The following ANGEL1 variants were observed in gnomAD, a reference collection of about 807,000 sequenced individuals.
ANGEL1 encodes the protein angel homolog 1.
ANGEL1 carries 62 observed loss-of-function variants against 76.4 expected under a neutral mutation model. The observed-to-expected ratio is 0.81, with a 90% CI of 0.66 to 1.00. The LOEUF (loss-of-function observed/expected upper bound fraction) is 1.00, where lower values mean the gene tolerates loss of function less well. Among genes scored for constraint, ANGEL1 ranks in the 50% least tolerant of loss-of-function variants. The pLI, the probability that ANGEL1 is intolerant of heterozygous loss-of-function variation, is 0.00. For synonymous variants in ANGEL1, 340 were observed against 331.7 expected, an observed-to-expected ratio of 1.03 and a Z score of -0.27; for missense variants, 737 against 836.7, an observed-to-expected ratio of 0.88 and a Z score of 1.47.
chr14:76,807,373 G>A (rs1468081519), intron 4 of ANGEL1, 60 bp downstream of exon 4: 3 of 1,518,240 alleles, frequency 2.0e-6, no homozygotes, highest in Middle Eastern at 1.7e-4. Flanking sequence ...GGGTCTTCAG[G>A]AGAGAGTAGA....
chr14:76,793,079 A>G (rs1435183533), intron 7 of ANGEL1, among the ~76,000 whole-genome samples: 4 of 152,032 alleles, frequency 2.6e-5, no homozygotes, highest in Non-Finnish European at 5.9e-5. Context: ...AAATACTTCT[A>G]TACACTAGCA....
chr14:76,800,505 T>G (rs1894728793), intron 7 of ANGEL1, among the ~76,000 whole-genome samples: 1 of 152,344 alleles, frequency 6.6e-6, no homozygotes, highest in Admixed American at 6.5e-5. Context: ...GAGAATAAAT[T>G]CAGTGTTCAT....
chr14:76,806,732 C>G lies in ANGEL1; in HGVS notation c.1064G>C (p.Gly355Ala). The change falls in exon 5 of 10, where the codon GGC becomes GCC. Residue 355 changes from glycine (G) to alanine (A), a missense_variant. Gly to Ala is a moderately conservative substitution (Grantham distance 60). Transcript: ENST00000251089. ...CASPVEYFRP[G>A]LELLNRDNVG... ...ATTATCCCGATTAAGTAGCTCCAAG[C>G]CAGGCCGGAAGTACTCCACAGGGCT... 4 of 1,614,098 alleles carry G rather than the reference C, an allele frequency of 2.5e-6. No homozygotes were observed. Among genetic ancestry groups the G allele is most frequent in the Non-Finnish European group, 3.4e-6 (4 of 1,180,036 alleles).
chr14:76,797,412 A>C (rs1175942997), intron 7 of ANGEL1, among the ~76,000 whole-genome samples: 1 of 152,218 alleles, frequency 6.6e-6, no homozygotes, highest in Non-Finnish European at 1.5e-5. Context: ...CAGCCTGGCC[A>C]ACATGGTGAA....
intron 7 of ANGEL1, among the ~76,000 whole-genome samples, chr14:76,792,939 A>G (rs1446025622): frequency 1.3e-5 from 2 of 152,220 alleles, no homozygotes; most frequent in Non-Finnish European, 2.9e-5. Context: ...AGATTGGAGT[A>G]GAAGGAATAC....
chr14:76,797,000 C>T (rs1313033375), intron 7 of ANGEL1, among the ~76,000 whole-genome samples: 1 of 152,196 alleles, frequency 6.6e-6, no homozygotes, highest in Non-Finnish European at 1.5e-5. Flanking sequence ...CCATTCTTAC[C>T]ATGCAGCACT....
intron 9 of ANGEL1, among the ~76,000 whole-genome samples, chr14:76,790,158 C>T (rs529663608): frequency 7.2e-5 from 11 of 152,194 alleles, no homozygotes; most frequent in Middle Eastern, 3.4e-3. Flanking sequence ...CAGTAATACA[C>T]GTGCCTGGCC....
intron 5 of ANGEL1, chr14:76,804,126 C>G (rs1258673739): frequency 2.1e-5 from 31 of 1,444,782 alleles, no homozygotes; most frequent in Non-Finnish European, 2.5e-5. Context: ...GTCCATGAAA[C>G]AGGAGGAGGG....
At position 76,790,723 on chromosome 14, in the gene ANGEL1, G is replaced by C; in HGVS notation, c.1740C>G (p.His580Gln). The C allele has an allele frequency of 6.2e-7, 1 of 1,614,214 alleles. No individual in the cohort carries two copies. Among genetic ancestry groups the C allele is most frequent in the East Asian group, 2.2e-5 (1 of 44,890 alleles). The stretch of plus-strand genomic sequence containing the variant: ...CTGGGCGGCCACGCTGGGGCAGGAA[G>C]TGGGTATATACTGACGTCAGGTGGA... ...HCLHLTSVYT[H>Q]FLPQRGRPEV... is the part of the protein sequence containing the mutation. The change falls in exon 9 of 10, where the codon CAC becomes CAG. Residue 580 changes from histidine (H) to glutamine (Q), a missense_variant. Physicochemically the swap from His to Gln is conservative, Grantham distance 24. Transcript: ENST00000251089.
At chr14:76,803,651 T>A (rs1894830409) in intron 6 of ANGEL1, 135 bp downstream of exon 6, 2 of 1,410,326 alleles carry the variant, frequency 1.4e-6, no homozygotes, top group Non-Finnish European at 1.9e-6. Flanking sequence ...GGACAGCCAT[T>A]GGGAGGATAG....
rs771479601 is a variant in ANGEL1, at chr14:76,808,162, G to A, written c.650-14C>T. 2 of 1,610,508 alleles carry A rather than the reference G, an allele frequency of 1.2e-6. No individual in the cohort carries two copies. Among genetic ancestry groups the A allele is most frequent in the East Asian group, 4.5e-5 (2 of 44,832 alleles). ...GCCACAAAATTTCTGCAAAGGATTG[G>A]GAGAAGCACTCAATGGCAAGTATGA... On this transcript the variant is annotated splice_polypyrimidine_tract_variant and intron_variant, in intron 2 of 9. Coordinates refer to ENST00000251089, the MANE Select transcript of ANGEL1 (RefSeq NM_015305.4).
chr14:76,793,407 T>G (rs1470299177), intron 7 of ANGEL1, among the ~76,000 whole-genome samples: 16 of 2,282 alleles, frequency 7.0e-3, no homozygotes, highest in South Asian at 0.015. Context: ...GGAGAGGGGA[T>G]AAAAGGAAAG....
chr14:76,806,376 G>A (rs1894917523), intron 5 of ANGEL1, 40 bp downstream of exon 5: 1 of 1,580,088 alleles, frequency 6.3e-7, no homozygotes, highest in African/African-American at 1.3e-5. Context: ...ATCTCTCTTA[G>A]ACCATGTTCC....
chr14:76,809,788 C>A (rs1895032288), intron 1 of ANGEL1, 145 bp from the exon 2 acceptor site: 3 of 673,754 alleles, frequency 4.5e-6, no homozygotes. Context: ...TACCTTAATG[C>A]CTGAACATCA....
At chr14:76,811,238 T>C (rs1293216067) in intron 1 of ANGEL1, among the ~76,000 whole-genome samples, 4 of 152,156 alleles carry the variant, frequency 2.6e-5, no homozygotes, top group South Asian at 2.1e-4. Flanking sequence ...AGTGCTGAGA[T>C]TGAGAAACCC....
In ANGEL1 at chr14:76,790,622, C is replaced by T; in HGVS notation, c.1841G>A (p.Gly614Glu). The T allele has an allele frequency of 6.2e-7, 1 of 1,613,414 alleles. No individual in the cohort carries two copies. The highest frequency in any genetic ancestry group is 8.5e-7 in the Non-Finnish European group (1 of 1,179,558). ...IFFSAESCENGNRTDHRLYRD... is the reference protein window; with the variant it reads ...IFFSAESCENENRTDHRLYRD... ...TCCATCAGGCTTACCAGTTCTGTTC[C>T]CATTCTCACAGGACTCAGCTGAGAA... Residue 614 changes from glycine (G) to glutamate (E), a missense_variant, in exon 9 of 10, where the codon GGG becomes GAG. Gly to Glu is a moderately conservative substitution (Grantham distance 98). This residue lies in a region of ANGEL1 where 296 missense variants were observed against 387.2 expected (regional missense o/e 0.76). Coordinates refer to ENST00000251089, the MANE Select transcript of ANGEL1 (RefSeq NM_015305.4).
rs774607142 is a variant in ANGEL1, at chr14:76,803,493, G to T, written c.1508-12C>A. On this transcript the variant is annotated splice_polypyrimidine_tract_variant and intron_variant, in intron 6 of 9. Coordinates refer to ENST00000251089, the MANE Select transcript of ANGEL1 (RefSeq NM_015305.4). ...ATACTTGCGTCTCTCTGTAAACCAG[G>T]AAAAGACATATAGTGAAAGAAAGAC... 3.7e-6 allele frequency: 6 copies of T among 1,613,228 alleles called. No homozygotes were observed. In the Admixed American group the frequency reaches 1.0e-4, roughly 27 times the overall value.
chr14:76,789,584 TAA>T (rs1268541482), intron 9 of ANGEL1, among the ~76,000 whole-genome samples, 196 bp from the exon 10 acceptor site: 1 of 152,042 alleles, frequency 6.6e-6, no homozygotes, highest in South Asian at 2.1e-4. Flanking sequence ...CATCAACGAA[TAA>T]AGACAGGTGA....
chr14:76,810,058 A>T (rs1374834860), intron 1 of ANGEL1: 2 of 380,586 alleles, frequency 5.3e-6, no homozygotes, highest in Non-Finnish European at 5.3e-6. Flanking sequence ...ACTGTGGGTT[A>T]TGATCTAGCA....
Sources: gnomAD v4.1 joint callset for allele counts (sites outside exome capture counted in the v4.1 genomes callset) on GRCh38, gnomAD v4.1.1 for gene constraint, gnomAD v4.1.1 regional missense constraint, MANE v1.5 for transcripts, NCBI Gene and HGNC (gene_info 2026-07-23, HGNC 2026-07-21) for gene names.